HTR4: variants seen among roughly 807,000 people sequenced by gnomAD.
HTR4 encodes 5-hydroxytryptamine (serotonin) receptor 4, G protein-coupled.
In HTR4, 16 loss-of-function variants were observed where a neutral mutation model predicts 36.8. The ratio of observed to expected loss-of-function variants is 0.43; its 90% CI spans 0.29 to 0.66. HTR4 has a LOEUF of 0.66. Ranked by LOEUF, HTR4 falls within the 30% of genes least tolerant of loss-of-function variation. The pLI is 0.13. For synonymous variants in HTR4, 189 were observed against 185.1 expected, an observed-to-expected ratio of 1.02 and a Z score of -0.17; for missense variants, 438 against 490.9, an observed-to-expected ratio of 0.89 and a Z score of 1.02.
intron 5 of HTR4, chr5:148,465,797 A>G: frequency 1.9e-6 from 3 of 1,575,176 alleles, no homozygotes; most frequent in Non-Finnish European, 2.6e-6. Flanking sequence ...TTTTGTATAA[A>G]GAAATAAATA....
At chr5:148,506,356 C>T (rs1193158138) in intron 6 of HTR4, among the ~76,000 whole-genome samples, 1 of 152,096 alleles carries the variant, frequency 6.6e-6, no homozygotes. Flanking sequence ...TTTCTTACAC[C>T]TTATAAAAAA....
At chr5:148,551,267 A>G (rs764436735) in intron 2 of HTR4, among the ~76,000 whole-genome samples, 1 of 152,186 alleles carries the variant, frequency 6.6e-6, no homozygotes, top group Non-Finnish European at 1.5e-5. Flanking sequence ...TTGTGGTGTG[A>G]TGGTTGTTCT....
rs1346671856 is a variant in HTR4, at chr5:148,482,827, G to A, written c.*376C>T. On this transcript the variant is annotated 3_prime_UTR_variant, in exon 7 of 7. Coordinates refer to ENST00000377888, the MANE Select transcript of HTR4 (RefSeq NM_000870.7). ...TGGAAGCCCACACAGCAAAGAAGGC[G>A]TATTTGGAGACATCAGTGACCGAGA... The A allele has an allele frequency of 1.9e-6, 2 of 1,074,322 alleles. No homozygotes were observed. Among genetic ancestry groups the A allele is most frequent in the African/African-American group, 1.6e-5 (1 of 61,754 alleles). 66.5% of individuals were successfully genotyped at this position (1,074,322 alleles called of 1,614,324 possible).
intron 6 of HTR4, chr5:148,484,168 T>C (rs1212971161): frequency 2.1e-5 from 28 of 1,340,062 alleles, no homozygotes; most frequent in Non-Finnish European, 2.8e-5. Context: ...TAATCTACAA[T>C]GGTAGATATT....
intron 4 of HTR4, among the ~76,000 whole-genome samples, chr5:148,541,316 A>C (rs1388894483): frequency 6.6e-6 from 1 of 152,174 alleles, no homozygotes; most frequent in Non-Finnish European, 1.5e-5. Flanking sequence ...GTCACATCTC[A>C]GCATTCAGTG....
intron 6 of HTR4, among the ~76,000 whole-genome samples, chr5:148,495,855 C>T (rs1756660090): frequency 6.6e-6 from 1 of 152,154 alleles, no homozygotes; most frequent in African/African-American, 2.4e-5. Flanking sequence ...GTAATCCCAG[C>T]ACCTTGGGAG....
At chr5:148,470,639 T>C (rs1331894205) in intron 5 of HTR4, among the ~76,000 whole-genome samples, 1 of 152,174 alleles carries the variant, frequency 6.6e-6, no homozygotes, top group Admixed American at 6.5e-5. Flanking sequence ...AAAACACACA[T>C]ATGGCTGAAC....
chr5:148,570,615 G>C (rs1389168287), intron 2 of HTR4, among the ~76,000 whole-genome samples: 2 of 152,064 alleles, frequency 1.3e-5, no homozygotes, highest in African/African-American at 4.8e-5. Context: ...CTGGAGTGCA[G>C]AGAATGAGGG....
intron 5 of HTR4, among the ~76,000 whole-genome samples, chr5:148,468,968 G>C (rs758395743): frequency 2.0e-5 from 3 of 151,934 alleles, no homozygotes; most frequent in Non-Finnish European, 4.4e-5. Context: ...TTTACTTCCC[G>C]TTCCGCCGTG....
intron 1 of HTR4, among the ~76,000 whole-genome samples, chr5:148,647,111 T>A (rs1437999373): frequency 6.6e-6 from 1 of 152,186 alleles, no homozygotes; most frequent in East Asian, 1.9e-4. Context: ...CGCTGTTCAG[T>A]GTGGTTAAGA....
At position 148,539,732 on chromosome 5, in the gene HTR4, C is replaced by T. The variant is rs189260305; in HGVS notation, c.353+8936G>A. 8.5e-5 allele frequency among the ~76,000 whole-genome samples: 13 copies of T among 152,074 alleles called. No homozygotes were observed. In the East Asian group the frequency reaches 1.9e-3, roughly 23 times the overall value. On this transcript the variant is annotated intron_variant, in intron 4 of 6. Coordinates refer to ENST00000377888, the MANE Select transcript of HTR4 (RefSeq NM_000870.7). The stretch of plus-strand genomic sequence containing the variant: ...AAAGTCAAAAAATGACACATGCTGG[C>T]GAAGTTGAGGAAAAAAGGGAACATT...
At position 148,579,901 on chromosome 5, in the gene HTR4, T is replaced by C. The variant is rs529397260; in HGVS notation, c.27-29639A>G. Reference sequence around the variant, plus strand: ...ACTCAGATTTAAAGGGCTCATCTGATTGGGTCTGGCCTACCTGGATAATTT... The same window carrying C: ...ACTCAGATTTAAAGGGCTCATCTGACTGGGTCTGGCCTACCTGGATAATTT... On this transcript the variant is annotated intron_variant, in intron 2 of 6. Transcript: ENST00000377888. Among the ~76,000 whole-genome samples the C allele has an allele frequency of 2.6e-5, 4 of 152,142 alleles. No homozygotes were observed. In the East Asian group the frequency reaches 5.8e-4, roughly 22 times the overall value.
chr5:148,613,967 C>T (rs1262710220), intron 2 of HTR4, among the ~76,000 whole-genome samples: 2 of 151,550 alleles, frequency 1.3e-5, no homozygotes, highest in Admixed American at 6.6e-5. Flanking sequence ...AGGAATCCAA[C>T]TTACAAGGGA....
intron 5 of HTR4, among the ~76,000 whole-genome samples, chr5:148,461,549 C>T (rs1755278698): frequency 6.6e-6 from 1 of 151,944 alleles, no homozygotes; most frequent in African/African-American, 2.4e-5. Flanking sequence ...ATAAAGGTGT[C>T]AGTTCTCCAA....
chr5:148,597,667 A>G (rs1002267363), intron 2 of HTR4, among the ~76,000 whole-genome samples: 1 of 152,198 alleles, frequency 6.6e-6, no homozygotes, highest in Non-Finnish European at 1.5e-5. Context: ...TAGCCTCTGC[A>G]TCGCACCTTT....
At position 148,546,490 on chromosome 5, in the gene HTR4, C is replaced by T. The variant is rs982108231; in HGVS notation, c.353+2178G>A. 7.2e-5 allele frequency among the ~76,000 whole-genome samples: 11 copies of T among 152,316 alleles called. No homozygotes were observed. In the South Asian group the frequency reaches 8.3e-4, roughly 11 times the overall value. ...CAATTCATCCTGTTTCATGACAACT[C>T]ATACCTACTCAGGAAAAGTTTCCTG... On this transcript the variant is annotated intron_variant, in intron 4 of 6. Transcript: ENST00000377888.
chr5:148,535,855 G>A (rs569405290), intron 4 of HTR4, among the ~76,000 whole-genome samples: 1 of 152,110 alleles, frequency 6.6e-6, no homozygotes, highest in African/African-American at 2.4e-5. Context: ...CTTGCTAGAG[G>A]CCAACAGTCA....
At chr5:148,538,379 C>T (rs1001585093) in intron 4 of HTR4, among the ~76,000 whole-genome samples, 1 of 152,128 alleles carries the variant, frequency 6.6e-6, no homozygotes, top group Non-Finnish European at 1.5e-5. Context: ...CCAGAGCAAT[C>T]AGGCAAGAGA....
chr5:148,517,183 A>G (rs1345345734), intron 5 of HTR4, among the ~76,000 whole-genome samples: 1 of 152,154 alleles, frequency 6.6e-6, no homozygotes, highest in Non-Finnish European at 1.5e-5. Context: ...AATATGTTTT[A>G]AGGCATATTT....
Sources: allele counts gnomAD v4.1 joint callset (sites outside exome capture counted in the v4.1 genomes callset), GRCh38; gene constraint gnomAD v4.1.1; transcripts MANE v1.5; gene names NCBI Gene and HGNC (gene_info 2026-07-23, HGNC 2026-07-21).